The following CHKA variants were observed in gnomAD, a reference collection of about 807,000 sequenced individuals.
The protein encoded by CHKA is choline kinase alpha.
A neutral mutation model predicts 60.1 loss-of-function variants in CHKA; 34 were observed. The observed-to-expected ratio is 0.57, with a 90% CI of 0.43 to 0.75. The LOEUF is 0.75. Among genes scored for constraint, CHKA ranks in the 30% least tolerant of loss-of-function variants. CHKA has a pLI of 0.00. For synonymous variants in CHKA, 217 were observed against 223.1 expected (o/e 0.97, Z 0.24); for missense variants, 563 against 561.3 (o/e 1.00, Z -0.03).
Position 68,095,725 on chromosome 11 carries a change from A to AAC in CHKA, c.462+1293_462+1294insGT, listed in dbSNP as rs1565188462. On this transcript the variant is annotated intron_variant, in intron 2 of 11. Transcript: ENST00000265689. ...CTCCGTCGCAAAAAAAAAAAAAAAA[A>AAC]AAAAAAAAACAACAGGTATCAAAAT... is the stretch of plus-strand genomic sequence containing the variant. Among the ~76,000 whole-genome samples, 4 of 142,224 alleles carry AAC rather than the reference A, an allele frequency of 2.8e-5. 1 individual carries two copies. The highest frequency in any genetic ancestry group is 4.6e-5 in the Non-Finnish European group (3 of 65,794). The allele number at this position is 142,224 out of a possible 152,430, so 93.3% of individuals were successfully genotyped here.
Position 68,062,044 on chromosome 11 carries a change from T to C in CHKA, c.1233-10A>G. ...AGATGCAAGGGCAAACCTGGAATGA[T>C]AAAAGCAAGAAACATATAAGAGACA... On this transcript the variant is annotated splice_polypyrimidine_tract_variant and intron_variant, in intron 10 of 11. Coordinates refer to ENST00000265689, the MANE Select transcript of CHKA (RefSeq NM_001277.3). 1 of 1,562,268 alleles carries C rather than the reference T, an allele frequency of 6.4e-7. No individual in the cohort carries two copies. Among genetic ancestry groups the C allele is most frequent in the Non-Finnish European group, 8.7e-7 (1 of 1,145,270 alleles).
chr11:68,115,415 AG>A (rs753123358), intron 1 of CHKA, among the ~76,000 whole-genome samples: 8 of 152,196 alleles, frequency 5.3e-5, no homozygotes, highest in Non-Finnish European at 7.3e-5. Flanking sequence ...ATGTCAATGT[AG>A]GTTCCTCAGT....
intron 1 of CHKA, among the ~76,000 whole-genome samples, chr11:68,113,428 G>A (rs896104264): frequency 6.6e-6 from 1 of 152,176 alleles, no homozygotes; most frequent in Non-Finnish European, 1.5e-5. Context: ...TGGGCGCGGT[G>A]GTTCACGCCT....
chr11:68,068,549 C>G (rs888514165), intron 7 of CHKA, among the ~76,000 whole-genome samples: 59 of 152,024 alleles, frequency 3.9e-4, no homozygotes, highest in African/African-American at 1.4e-3. Context: ...TACCAAGTAG[C>G]TGGGACTACA....
At chr11:68,107,589 A>T (rs1173440135) in intron 1 of CHKA, among the ~76,000 whole-genome samples, 2 of 151,748 alleles carry the variant, frequency 1.3e-5, no homozygotes, top group Non-Finnish European at 2.9e-5. Context: ...CTCCTGCCCA[A>T]ATGTATATCC....
intron 11 of CHKA, among the ~76,000 whole-genome samples, chr11:68,059,969 A>G (rs1320969734): frequency 6.6e-6 from 1 of 150,966 alleles, no homozygotes; most frequent in Non-Finnish European, 1.5e-5. Context: ...ACAGAAGAGG[A>G]GTGGTGAGAT....
rs1051959892 is a variant in CHKA at position 68,052,881 on chromosome 11, G to A, written c.*1107C>T. The A allele has an allele frequency of 6.6e-6, 1 of 152,222 alleles. No homozygotes were observed. Among genetic ancestry groups the A allele is most frequent in the African/African-American group, 2.4e-5 (1 of 41,404 alleles). The allele number at this position is 152,222 out of a possible 1,614,324, so 9.4% of individuals were successfully genotyped here. ...AGGTTGGGTTTTTATTTTTTTATTTGTATAGTACAATCTCTGTGGTAGCAG... is the reference window on the plus strand; with the variant it reads ...AGGTTGGGTTTTTATTTTTTTATTTATATAGTACAATCTCTGTGGTAGCAG... On this transcript the variant is annotated 3_prime_UTR_variant, in exon 12 of 12. Coordinates refer to ENST00000265689, the MANE Select transcript of CHKA (RefSeq NM_001277.3).
At chr11:68,063,302 C>A (rs753332536) in intron 10 of CHKA, among the ~76,000 whole-genome samples, 1 of 152,028 alleles carries the variant, frequency 6.6e-6, no homozygotes, top group Non-Finnish European at 1.5e-5. Flanking sequence ...AGTTCATGAC[C>A]AGCCTGGGCA....
At chr11:68,054,716 C>G (rs1019647856) in intron 11 of CHKA, among the ~76,000 whole-genome samples, 11 of 152,120 alleles carry the variant, frequency 7.2e-5, no homozygotes, top group African/African-American at 2.7e-4. Context: ...AAGCATGAGC[C>G]CATTTTAAGT....
intron 3 of CHKA, among the ~76,000 whole-genome samples, chr11:68,080,449 G>A (rs2134588506): frequency 6.6e-6 from 1 of 152,208 alleles, no homozygotes; most frequent in Middle Eastern, 3.4e-3. Context: ...CCAGGTTCAA[G>A]TAATTCTCCT....
chr11:68,096,095 G>C (rs910782394), intron 2 of CHKA, among the ~76,000 whole-genome samples: 4 of 151,896 alleles, frequency 2.6e-5, no homozygotes, highest in Non-Finnish European at 5.9e-5. Context: ...CGGGTGCGGT[G>C]GCTCATGCCT....
chr11:68,075,415 T>C (rs573263256), intron 3 of CHKA, among the ~76,000 whole-genome samples: 1 of 152,050 alleles, frequency 6.6e-6, no homozygotes, highest in Non-Finnish European at 1.5e-5. Context: ...TTTCCTGTTA[T>C]TGAATGTTTG....
chr11:68,099,271 T>C (rs1303558822), intron 1 of CHKA, among the ~76,000 whole-genome samples: 2 of 152,238 alleles, frequency 1.3e-5, no homozygotes, highest in Non-Finnish European at 2.9e-5. Flanking sequence ...TATCTGTGAT[T>C]ACACTAAAAG....
chr11:68,102,356 A>G (rs1230504881), intron 1 of CHKA, among the ~76,000 whole-genome samples: 1 of 152,166 alleles, frequency 6.6e-6, no homozygotes, highest in Non-Finnish European at 1.5e-5. Context: ...TGGCATAAAA[A>G]CAGACAGAGA....
intron 11 of CHKA, among the ~76,000 whole-genome samples, chr11:68,058,119 T>A (rs1269671976): frequency 6.6e-6 from 1 of 152,078 alleles, no homozygotes; most frequent in Non-Finnish European, 1.5e-5. Flanking sequence ...TTCCAACTCC[T>A]GGGCTCTAGC....
chr11:68,102,863 T>C (rs918443487), intron 1 of CHKA, among the ~76,000 whole-genome samples: 1 of 151,746 alleles, frequency 6.6e-6, no homozygotes, highest in Non-Finnish European at 1.5e-5. Flanking sequence ...GGAAACCAAT[T>C]AAAAAATGGA....
chr11:68,108,035 G>C (rs1857980858), intron 1 of CHKA, among the ~76,000 whole-genome samples: 1 of 152,210 alleles, frequency 6.6e-6, no homozygotes, highest in African/African-American at 2.4e-5. Context: ...AGAGATCCTG[G>C]AAGGACGCTA....
chr11:68,097,081 C>T lies in CHKA; in HGVS notation c.400G>A (p.Ala134Thr), dbSNP rs763398771. ...TTCCGAGGCTCATCACCAAGGGTGG[C>T]TGTGGTGTCAGGTAGGGAGCACTGG... Reference protein sequence around the residue: ...LFQCSLPDTTATLGDEPRKVL... With the variant: ...LFQCSLPDTTTTLGDEPRKVL... Residue 134 changes from alanine to threonine, a missense_variant, in exon 2 of 12, where the codon GCC becomes ACC. Physicochemically the swap from Ala to Thr is moderately conservative, Grantham distance 58 (BLOSUM62 0). Coordinates refer to ENST00000265689, the MANE Select transcript of CHKA (RefSeq NM_001277.3). 2 of 1,613,758 alleles carry T rather than the reference C, an allele frequency of 1.2e-6. No homozygotes were observed. The highest frequency in any genetic ancestry group is 2.2e-5 in the South Asian group (2 of 90,966).
Position 68,098,768 on chromosome 11 carries a change from ACTGCAAC to A in CHKA, c.351-1645_351-1639del, listed in dbSNP as rs553041483. Among the ~76,000 whole-genome samples the A allele has an allele frequency of 3.4e-4, 51 of 152,228 alleles. 1 individual carries two copies. In the South Asian group the frequency reaches 0.01, roughly 31 times the overall value. On this transcript the variant is annotated intron_variant, in intron 1 of 11. Transcript: ENST00000265689. ...GAGTACAGTGGCACAATCTCGGCTC[ACTGCAAC>A]CTCCACCACCCAGGTTCAAGCGATT...
Sources: allele counts gnomAD v4.1 joint callset (sites outside exome capture counted in the v4.1 genomes callset), GRCh38; gene constraint gnomAD v4.1.1; transcripts MANE v1.5; gene names NCBI Gene and HGNC (gene_info 2026-07-23, HGNC 2026-07-21).